CSNK1G3: variants seen among roughly 807,000 people sequenced by gnomAD.
CSNK1G3 encodes the protein casein kinase I isoform gamma-3.
CSNK1G3 carries 23 observed loss-of-function variants against 64.3 expected under a neutral mutation model. The observed-to-expected ratio is 0.36, with a 90% confidence interval of 0.26 to 0.51. The LOEUF (loss-of-function observed/expected upper bound fraction) is 0.51, where lower values mean the gene tolerates loss of function less well. Ranked by LOEUF, CSNK1G3 falls within the 20% of genes least tolerant of loss-of-function variation. The pLI, the probability that CSNK1G3 is intolerant of heterozygous loss-of-function variation, is 0.96. For missense variants in CSNK1G3, 357 were observed against 510.5 expected, an observed-to-expected ratio of 0.70 and a Z score of 2.90; for synonymous variants, 158 against 162.2, an observed-to-expected ratio of 0.97 and a Z score of 0.20.
Position 123,545,466 on chromosome 5 carries a change from T to C in CSNK1G3, c.-198T>C, listed in dbSNP as rs546670781. The C allele has an allele frequency of 7.9e-5, 35 of 444,606 alleles. No individual in the cohort carries two copies. The highest frequency in any genetic ancestry group is 5.7e-4 in the South Asian group (9 of 15,850). 27.5% of individuals were successfully genotyped at this position (444,606 alleles called of 1,614,324 possible). ...CATTGAAAAGATAATTTTGAAGACA[T>C]GTTTTGCTGAAAAGACACTAAGAAA... On this transcript the variant is annotated 5_prime_UTR_variant, in exon 2 of 13. An upstream start codon of the reference 5' UTR is lost. Coordinates refer to ENST00000345990, the Ensembl canonical transcript of CSNK1G3.
At chr5:123,568,565 A>G (rs1787418576) in intron 4 of CSNK1G3, among the ~76,000 whole-genome samples, 1 of 152,208 alleles carries the variant, frequency 6.6e-6, no homozygotes, top group Non-Finnish European at 1.5e-5. Context: ...ATGCTGAACG[A>G]CCATAGAAAG....
chr5:123,519,113 G>A (rs1349096860), intron 1 of CSNK1G3, among the ~76,000 whole-genome samples: 2 of 152,080 alleles, frequency 1.3e-5, no homozygotes, highest in African/African-American at 4.8e-5. Flanking sequence ...GAGTGCCATG[G>A]CATGATCTCG....
chr5:123,551,282 C>G (rs1581073100), intron 2 of CSNK1G3, among the ~76,000 whole-genome samples: 2 of 152,214 alleles, frequency 1.3e-5, no homozygotes, highest in Admixed American at 1.3e-4. Context: ...TAGAGGAAAC[C>G]TAACTTTTCA....
chr5:123,539,409 G>A (rs1245808494), intron 1 of CSNK1G3, among the ~76,000 whole-genome samples: 2 of 147,670 alleles, frequency 1.4e-5, no homozygotes, highest in Non-Finnish European at 3.0e-5. Flanking sequence ...TTGTGTTAAT[G>A]CACTCCAGCC....
intron 2 of CSNK1G3, among the ~76,000 whole-genome samples, chr5:123,546,590 A>G (rs1782560931): frequency 6.6e-6 from 1 of 152,048 alleles, no homozygotes; most frequent in African/African-American, 2.4e-5. Context: ...GGAGGGTGTT[A>G]TGGTTATAAT....
chr5:123,512,499 G>T, exon 1 of CSNK1G3: 1 of 151,148 alleles, frequency 6.6e-6, no homozygotes, highest in East Asian at 2.0e-4. Flanking sequence ...CGCTGCCCCC[G>T]CCGGCGCTGA....
At chr5:123,592,655 T>C (rs771593663) in intron 10 of CSNK1G3, among the ~76,000 whole-genome samples, 1 of 151,716 alleles carries the variant, frequency 6.6e-6, no homozygotes, top group Non-Finnish European at 1.5e-5. Context: ...TAAAACAGGA[T>C]GACAATCAAA....
intron 12 of CSNK1G3, among the ~76,000 whole-genome samples, chr5:123,610,440 G>A (rs545190618): frequency 1.2e-4 from 18 of 152,170 alleles, no homozygotes; most frequent in African/African-American, 4.3e-4. Flanking sequence ...TCTTAGAAGG[G>A]ATAAATAAGA....
intron 3 of CSNK1G3, among the ~76,000 whole-genome samples, chr5:123,554,263 G>A (rs867932878): frequency 2.0e-5 from 3 of 152,248 alleles, no homozygotes; most frequent in South Asian, 2.1e-4. Flanking sequence ...AGATGAGTCC[G>A]TCTTGGTATT....
chr5:123,573,638 C>T (rs988947071), intron 5 of CSNK1G3, 97 bp downstream of exon 5: 2 of 1,138,780 alleles, frequency 1.8e-6, no homozygotes, highest in African/African-American at 3.1e-5. Flanking sequence ...TATTGTCTTA[C>T]AGAGCGTTTG....
At chr5:123,550,868 G>T (rs1481982038) in intron 2 of CSNK1G3, among the ~76,000 whole-genome samples, 1 of 152,112 alleles carries the variant, frequency 6.6e-6, no homozygotes, top group East Asian at 1.9e-4. Flanking sequence ...TATGCTAGGT[G>T]ACAAAAATGC....
At chr5:123,557,731 A>G (rs973216097) in intron 4 of CSNK1G3, among the ~76,000 whole-genome samples, 167 bp downstream of exon 4, 32 of 152,060 alleles carry the variant, frequency 2.1e-4, no homozygotes, top group African/African-American at 6.5e-4. Context: ...TTTTATGACA[A>G]ATTTGGAGCT....
intron 6 of CSNK1G3, among the ~76,000 whole-genome samples, chr5:123,582,028 T>C (rs752673747): frequency 6.6e-6 from 1 of 152,162 alleles, no homozygotes; most frequent in Non-Finnish European, 1.5e-5. Flanking sequence ...CAGTAGTAAG[T>C]TTATTTTTGC....
chr5:123,553,125 A>G (rs1011657847), exon 3 of CSNK1G3: 1 of 1,414,706 alleles, frequency 7.1e-7, no homozygotes, highest in Non-Finnish European at 9.5e-7. Flanking sequence ...TTATACACAA[A>G]TGAATATGTG....
intron 10 of CSNK1G3, among the ~76,000 whole-genome samples, chr5:123,598,806 C>T (rs193230479): frequency 2.4e-4 from 36 of 152,000 alleles, no homozygotes; most frequent in African/African-American, 6.7e-4. Context: ...CTAAAGATTG[C>T]GTTTGCTGGA....
At chr5:123,608,863 A>G (rs918463414) in intron 12 of CSNK1G3, among the ~76,000 whole-genome samples, 2 of 152,188 alleles carry the variant, frequency 1.3e-5, no homozygotes, top group African/African-American at 4.8e-5. Context: ...TCATTGGTCT[A>G]ATACAAAGTA....
intron 5 of CSNK1G3, 96 bp from the exon 6 acceptor site, chr5:123,575,633 C>A (rs1438634451): frequency 2.8e-6 from 2 of 702,724 alleles, no homozygotes; most frequent in Non-Finnish European, 4.9e-6. Context: ...TGATTTATTT[C>A]TTTTGTATGT....
At chr5:123,595,133 A>C in intron 10 of CSNK1G3, 1 of 1,612,938 alleles carries the variant, frequency 6.2e-7, no homozygotes, top group Non-Finnish European at 8.5e-7. Flanking sequence ...GGCTCGGTAC[A>C]GGTATTTTCT....
At chr5:123,518,012 C>G (rs1013153488) in intron 1 of CSNK1G3, among the ~76,000 whole-genome samples, 3 of 151,468 alleles carry the variant, frequency 2.0e-5, no homozygotes, top group Non-Finnish European at 4.4e-5. Context: ...GTCAGGTGAT[C>G]AATCTATGGT....
Sources: allele counts gnomAD v4.1 joint callset (sites outside exome capture counted in the v4.1 genomes callset), GRCh38; gene constraint gnomAD v4.1.1; transcripts MANE v1.5; gene names NCBI Gene and HGNC (gene_info 2026-07-23, HGNC 2026-07-21).